SYT9: variants seen among roughly 807,000 people sequenced by gnomAD.
The protein encoded by SYT9 is synaptotagmin 9, also known as synaptotagmin-9.
In SYT9, 22 loss-of-function variants were observed where a neutral mutation model predicts 48.4. The observed-to-expected ratio is 0.45, with a 90% CI of 0.32 to 0.65. SYT9 has a LOEUF of 0.65. SYT9 is among the 30% of genes least tolerant of loss of function. The pLI is 0.03. For synonymous variants in SYT9, 265 were observed against 245.0 expected, an observed-to-expected ratio of 1.08 and a Z score of -0.76; for missense variants, 577 against 622.0, an observed-to-expected ratio of 0.93 and a Z score of 0.77.
chr11:7,283,821 T>C (rs1389067325), intron 1 of SYT9, among the ~76,000 whole-genome samples: 1 of 152,172 alleles, frequency 6.6e-6, no homozygotes, highest in African/African-American at 2.4e-5. Flanking sequence ...TTGACACTTG[T>C]TAGGAACTCG....
chr11:7,417,981 T>C lies in SYT9; in HGVS notation c.1190T>C (p.Met397Thr), dbSNP rs1262443695. 1 of 1,614,080 alleles carries C rather than the reference T, an allele frequency of 6.2e-7. No homozygotes were observed. Among genetic ancestry groups the C allele is most frequent in the South Asian group, 1.1e-5 (1 of 91,070 alleles). The change falls in exon 5 of 7, where the codon ATG (methionine) becomes ACG (threonine). Residue 397 changes from methionine (M) to threonine (T), a missense_variant. Transcript: ENST00000318881. ...GATCCCTATGTGAAAGTCTCGCTGATGTGTGATGGCAGACGACTGAAGAAG... is the reference window on the plus strand; with the variant it reads ...GATCCCTATGTGAAAGTCTCGCTGACGTGTGATGGCAGACGACTGAAGAAG... ...ASDPYVKVSL[M>T]CDGRRLKKRK...
chr11:7,432,547 C>T (rs1590024883), intron 6 of SYT9, among the ~76,000 whole-genome samples: 1 of 16,930 alleles, frequency 5.9e-5, no homozygotes. Context: ...GACTCCATCT[C>T]AAAAAAAAAA....
chr11:7,337,513 A>C (rs1022182878), intron 3 of SYT9, among the ~76,000 whole-genome samples: 15 of 152,008 alleles, frequency 9.9e-5, no homozygotes, highest in Non-Finnish European at 4.4e-5. Context: ...TCATAGATGG[A>C]TCTTATTATT....
At chr11:7,412,786 G>A (rs143852983) in intron 3 of SYT9, among the ~76,000 whole-genome samples, 101 of 152,276 alleles carry the variant, frequency 6.6e-4, no homozygotes, top group African/African-American at 2.4e-3. Context: ...AATCCAAGTT[G>A]GTCTGAGCTG....
At chr11:7,264,401 A>G (rs1848136282) in intron 1 of SYT9, among the ~76,000 whole-genome samples, 1 of 152,038 alleles carries the variant, frequency 6.6e-6, no homozygotes, top group Admixed American at 6.6e-5. Flanking sequence ...AAGAGAGGGA[A>G]GTTTGTGTTT....
intron 6 of SYT9, among the ~76,000 whole-genome samples, chr11:7,424,724 T>C (rs1483508628): frequency 5.9e-5 from 9 of 152,176 alleles, no homozygotes; most frequent in Non-Finnish European, 1.5e-5. Context: ...GGCATAGGTG[T>C]AGGATTCCAA....
chr11:7,255,347 TAGAG>T (rs1847948544), intron 1 of SYT9, among the ~76,000 whole-genome samples: 3 of 150,732 alleles, frequency 2.0e-5, no homozygotes, highest in South Asian at 4.3e-4. Flanking sequence ...GGTCAAGAGT[TAGAG>T]AGGGTGGATC....
chr11:7,322,081 C>T (rs559627532), intron 3 of SYT9, among the ~76,000 whole-genome samples: 2 of 152,168 alleles, frequency 1.3e-5, no homozygotes, highest in South Asian at 4.1e-4. Flanking sequence ...CTTAACAACT[C>T]GTTGTGGGGC....
intron 3 of SYT9, among the ~76,000 whole-genome samples, chr11:7,391,444 T>G (rs996870800): frequency 3.3e-5 from 5 of 152,162 alleles, no homozygotes; most frequent in Admixed American, 2.0e-4. Context: ...GCATTCCCTT[T>G]TCTCTGCAGC....
chr11:7,350,674 T>C lies in SYT9; in HGVS notation c.1044+36733T>C, dbSNP rs147331862. Among the ~76,000 whole-genome samples, 12 of 152,250 alleles carry C rather than the reference T, an allele frequency of 7.9e-5. No individual in the cohort carries two copies. In the East Asian group the frequency reaches 2.3e-3, roughly 29 times the overall value. ...CTCTTTTCTTTCAGGTCCAATCTCT[T>C]CTCCTCTCAATGCCCACTGCCACAG... On this transcript the variant is annotated intron_variant, in intron 3 of 6. Transcript: ENST00000318881.
chr11:7,413,397 T>C (rs1425141225), intron 3 of SYT9, among the ~76,000 whole-genome samples: 2 of 152,210 alleles, frequency 1.3e-5, no homozygotes, highest in Admixed American at 6.5e-5. Flanking sequence ...GGTCACAGCA[T>C]GAGCTCCCTC....
chr11:7,388,244 A>G (rs1850697937), intron 3 of SYT9, among the ~76,000 whole-genome samples: 1 of 152,130 alleles, frequency 6.6e-6, no homozygotes, highest in Non-Finnish European at 1.5e-5. Context: ...GTTTTAAAGA[A>G]CTAGTCCATT....
chr11:7,420,341 A>G (rs546615729), intron 5 of SYT9, among the ~76,000 whole-genome samples, 165 bp from the exon 6 acceptor site: 197 of 152,318 alleles, frequency 1.3e-3, no homozygotes, highest in African/African-American at 4.5e-3. Flanking sequence ...CCCAAGTCCT[A>G]TTGGCCGTGA....
At chr11:7,360,819 C>T (rs1451484737) in intron 3 of SYT9, among the ~76,000 whole-genome samples, 3 of 152,104 alleles carry the variant, frequency 2.0e-5, no homozygotes, top group Admixed American at 2.0e-4. Context: ...GATATTGTCT[C>T]CTTGAAGATT....
intron 1 of SYT9, among the ~76,000 whole-genome samples, chr11:7,242,990 G>T (rs1483779725): frequency 2.0e-5 from 3 of 152,072 alleles, no homozygotes; most frequent in Non-Finnish European, 4.4e-5. Context: ...AGGTTGCAGT[G>T]AGCTGAGATT....
chr11:7,328,095 AATAAT>A (rs373938583), intron 3 of SYT9, among the ~76,000 whole-genome samples: 18,498 of 67,586 alleles, frequency 0.27, 1,223 homozygotes, highest in East Asian at 0.58. Context: ...TAATAATAAT[AATAAT>A]TTTAAAAAAA....
rs980920869 is a variant in SYT9 at position 7,374,728 on chromosome 11, G to A, written c.1045-41314G>A. Among the ~76,000 whole-genome samples, 8 of 152,298 alleles carry A rather than the reference G, an allele frequency of 5.3e-5. No individual in the cohort carries two copies. The South Asian group carries it at 1.2e-3, about 24-fold the overall frequency. On this transcript the variant is annotated intron_variant, in intron 3 of 6. Transcript: ENST00000318881. Reference sequence around the variant, plus strand: ...CCACATAAATGTCTTCTTTTGAGAAGTGTCTGTTCATATCCTTCACCCACT... The same window carrying A: ...CCACATAAATGTCTTCTTTTGAGAAATGTCTGTTCATATCCTTCACCCACT...
chr11:7,386,733 A>C (rs1850667783), intron 3 of SYT9, among the ~76,000 whole-genome samples: 1 of 152,218 alleles, frequency 6.6e-6, no homozygotes, highest in Non-Finnish European at 1.5e-5. Flanking sequence ...TGTGGAAGTC[A>C]GTGTGGCGAT....
At position 7,246,051 on chromosome 11, in the gene SYT9, C is replaced by CT. The variant is rs919538026; in HGVS notation, c.49+7145dup. 2.9e-4 allele frequency among the ~76,000 whole-genome samples: 44 copies of CT among 149,948 alleles called. 1 individual carries two copies. Among genetic ancestry groups the CT allele is most frequent in the South Asian group, 1.7e-3 (8 of 4,710 alleles). On this transcript the variant is annotated intron_variant and NMD_transcript_variant, in intron 1 of 8. Transcript: ENST00000524820. ...CTTCAAACAGCTTTTCTTCTATGCACTTTTTTTTTTCAGTTACCATCTTCT... is the reference window on the plus strand; with the variant it reads ...CTTCAAACAGCTTTTCTTCTATGCACTTTTTTTTTTTCAGTTACCATCTTCT...
Sources: allele counts gnomAD v4.1 joint callset (sites outside exome capture counted in the v4.1 genomes callset), GRCh38; gene constraint gnomAD v4.1.1; transcripts MANE v1.5; gene names NCBI Gene and HGNC (gene_info 2026-07-23, HGNC 2026-07-21).